CNTN1: variants seen among roughly 807,000 people sequenced by gnomAD.
The protein encoded by CNTN1 is contactin 1, also known as contactin-1.
A neutral mutation model predicts 126.4 loss-of-function variants in CNTN1; 38 were observed. The ratio of observed to expected loss-of-function variants is 0.30; its 90% confidence interval spans 0.23 to 0.39. The LOEUF (loss-of-function observed/expected upper bound fraction) is 0.39, where lower values mean the gene tolerates loss of function less well. Ranked by LOEUF, CNTN1 falls within the 10% of genes least tolerant of loss-of-function variation. The probability of loss-of-function intolerance (pLI) is 1.00; values close to 1 mark genes in which losing one functional copy is unlikely to be tolerated. For missense variants in CNTN1, 1,009 were observed against 1,248.4 expected (o/e 0.81, Z 2.89); for synonymous variants, 413 against 422.6 (o/e 0.98, Z 0.28).
intron 1 of CNTN1, among the ~76,000 whole-genome samples, chr12:40,701,005 A>G (rs1941580916): frequency 6.6e-6 from 1 of 152,188 alleles, no homozygotes; most frequent in South Asian, 2.1e-4. Context: ...TAGAATTCAC[A>G]CCCAGATTGT....
At chr12:41,040,954 G>C in intron 23 of CNTN1, among the ~76,000 whole-genome samples, 1 of 141,382 alleles carries the variant, frequency 7.1e-6, no homozygotes. Flanking sequence ...ACACTATGTT[G>C]AATAGGAGTG....
chr12:40,785,089 G>A (rs1263159494), intron 1 of CNTN1, among the ~76,000 whole-genome samples: 1 of 152,098 alleles, frequency 6.6e-6, no homozygotes, highest in Non-Finnish European at 1.5e-5. Flanking sequence ...CATGACAGGA[G>A]ATCTAGACTT....
At position 41,027,927 on chromosome 12, in the gene CNTN1, T is replaced by G. The variant is rs1949068550; in HGVS notation, c.2781T>G (p.His927Gln). The change falls in exon 22 of 24, where the codon CAT (histidine) becomes CAG (glutamine). Residue 927 changes from histidine to glutamine, a missense_variant. Transcript: ENST00000551295. ...SGSRYIITWDHVVALSNESTV... is the reference protein window; with the variant it reads ...SGSRYIITWDQVVALSNESTV... Reference sequence around the variant, plus strand: ...CACGCTATATAATCACCTGGGATCATGTCGTTGCACTATCAAATGAATCTA... The same window carrying G: ...CACGCTATATAATCACCTGGGATCAGGTCGTTGCACTATCAAATGAATCTA... 1 of 1,613,374 alleles carries G rather than the reference T, an allele frequency of 6.2e-7. No individual in the cohort carries two copies. Among genetic ancestry groups the G allele is most frequent in the Non-Finnish European group, 8.5e-7 (1 of 1,179,338 alleles).
intron 1 of CNTN1, among the ~76,000 whole-genome samples, chr12:40,733,535 T>A (rs115508254): frequency 0.021 from 3,254 of 152,024 alleles, 113 homozygotes; most frequent in African/African-American, 0.075. Flanking sequence ...ATTTTTGGCA[T>A]CATGAGATAA....
intron 1 of CNTN1, among the ~76,000 whole-genome samples, chr12:40,736,511 C>T (rs1047137676): frequency 1.3e-5 from 2 of 151,944 alleles, no homozygotes; most frequent in Non-Finnish European, 2.9e-5. Context: ...AAGTGGCTCT[C>T]ACAAGTGGCT....
chr12:40,704,204 T>C (rs550479751), intron 1 of CNTN1, among the ~76,000 whole-genome samples: 1 of 152,158 alleles, frequency 6.6e-6, no homozygotes, highest in African/African-American at 2.4e-5. Context: ...TTCATAATTA[T>C]TTTTTAGGAT....
chr12:41,017,285 A>T (rs1044157723), intron 19 of CNTN1, among the ~76,000 whole-genome samples: 1 of 151,852 alleles, frequency 6.6e-6, no homozygotes, highest in African/African-American at 2.4e-5. Flanking sequence ...AAACTTCTAT[A>T]ATATGGCCGG....
At chr12:40,988,273 G>A (rs1262063074) in intron 16 of CNTN1, among the ~76,000 whole-genome samples, 2 of 152,116 alleles carry the variant, frequency 1.3e-5, no homozygotes. Flanking sequence ...CTCTGAGTGA[G>A]TAGGTTTGTT....
At chr12:40,814,762 G>T (rs1437879564) in intron 1 of CNTN1, among the ~76,000 whole-genome samples, 11 of 152,098 alleles carry the variant, frequency 7.2e-5, no homozygotes, top group Admixed American at 7.2e-4. Context: ...GATGGGGATG[G>T]CATTGAATCT....
At position 40,709,274 on chromosome 12, in the gene CNTN1, A is replaced by C. The variant is rs543306469; in HGVS notation, c.-77+16682A>C. Among the ~76,000 whole-genome samples the C allele has an allele frequency of 4.6e-5, 7 of 152,306 alleles. No homozygotes were observed. In the East Asian group the frequency reaches 1.4e-3, roughly 29 times the overall value. ...GTCAATGAGCAGTAATATTTTGAAA[A>C]GATTGTTTTTTTTCTGAGCAGTCGG... On this transcript the variant is annotated intron_variant, in intron 1 of 23. Coordinates refer to ENST00000551295, the MANE Select transcript of CNTN1 (RefSeq NM_001843.4).
intron 1 of CNTN1, among the ~76,000 whole-genome samples, chr12:40,750,450 T>G (rs1938363453): frequency 6.6e-6 from 1 of 151,960 alleles, no homozygotes. Context: ...TTGGTGGGTG[T>G]GGTGCTGGTG....
chr12:40,744,849 A>C (rs1224745128), intron 1 of CNTN1, among the ~76,000 whole-genome samples: 1 of 152,102 alleles, frequency 6.6e-6, no homozygotes, highest in Non-Finnish European at 1.5e-5. Context: ...TTTAACACCT[A>C]TGTTACATAT....
chr12:40,930,745 C>G lies in CNTN1; in HGVS notation c.703+743C>G, dbSNP rs17128947. Reference sequence around the variant, plus strand: ...ATTTAGGTTTGGCTCCTGCCTTTACCCCTAAGCACAGTGTGATGATGGGAA... The same window carrying G: ...ATTTAGGTTTGGCTCCTGCCTTTACGCCTAAGCACAGTGTGATGATGGGAA... On this transcript the variant is annotated intron_variant, in intron 7 of 23. Transcript: ENST00000551295. Among the ~76,000 whole-genome samples the G allele has an allele frequency of 1.8e-3, 269 of 152,064 alleles. 3 individuals are homozygous for G. The East Asian group carries it at 0.037, about 21-fold the overall frequency.
At chr12:40,902,228 C>T (rs1429632474) in intron 1 of CNTN1, among the ~76,000 whole-genome samples, 1 of 152,156 alleles carries the variant, frequency 6.6e-6, no homozygotes, top group Non-Finnish European at 1.5e-5. Context: ...TTACCTAAAC[C>T]TCACAATAAC....
intron 1 of CNTN1, among the ~76,000 whole-genome samples, chr12:40,850,812 A>G (rs1382181375): frequency 6.6e-6 from 1 of 152,122 alleles, no homozygotes; most frequent in Non-Finnish European, 1.5e-5. Flanking sequence ...TCATTTTTGC[A>G]TTATTACTGT....
At chr12:40,856,507 G>T (rs528590295) in intron 1 of CNTN1, among the ~76,000 whole-genome samples, 2 of 152,224 alleles carry the variant, frequency 1.3e-5, no homozygotes, top group African/African-American at 4.8e-5. Flanking sequence ...CTGCAAGGCT[G>T]TACAATTTTC....
chr12:41,058,819 C>T (rs952012314), intron 23 of CNTN1, among the ~76,000 whole-genome samples: 1 of 152,240 alleles, frequency 6.6e-6, no homozygotes, highest in Non-Finnish European at 1.5e-5. Context: ...ATTTTTTAGA[C>T]TAGTCAATGT....
At chr12:41,061,515 G>A (rs1303169700) in intron 23 of CNTN1, among the ~76,000 whole-genome samples, 1 of 152,098 alleles carries the variant, frequency 6.6e-6, no homozygotes, top group African/African-American at 2.4e-5. Flanking sequence ...AAAGATTAGT[G>A]GGCTTCACTG....
At chr12:40,887,236 T>C (rs2136713820) in intron 1 of CNTN1, among the ~76,000 whole-genome samples, 1 of 152,198 alleles carries the variant, frequency 6.6e-6, no homozygotes, top group Non-Finnish European at 1.5e-5. Context: ...TATCCTCTTT[T>C]ATTTCATTGA....
Sources: allele counts gnomAD v4.1 joint callset (sites outside exome capture counted in the v4.1 genomes callset), GRCh38; gene constraint gnomAD v4.1.1; transcripts MANE v1.5; gene names NCBI Gene and HGNC (gene_info 2026-07-23, HGNC 2026-07-21).